LIN52: variants seen among roughly 807,000 people sequenced by gnomAD.
The protein encoded by LIN52 is protein lin-52 homolog.
LIN52 carries 4 observed loss-of-function variants against 18.5 expected under a neutral mutation model. The ratio of observed to expected loss-of-function variants is 0.22; its 90% CI spans 0.11 to 0.49. The LOEUF (loss-of-function observed/expected upper bound fraction) is 0.49, where lower values mean the gene tolerates loss of function less well. LIN52 is among the 20% of genes least tolerant of loss of function. LIN52 has a pLI of 0.97. For missense variants in LIN52, 102 were observed against 139.5 expected, an observed-to-expected ratio of 0.73 and a Z score of 1.35; for synonymous variants, 34 against 45.5, an observed-to-expected ratio of 0.75 and a Z score of 1.02.
rs191562173 is a variant in LIN52 at position 74,119,407 on chromosome 14, G to A, written c.283+18169G>A. Among the ~76,000 whole-genome samples the A allele has an allele frequency of 3.3e-5, 5 of 151,988 alleles. No individual in the cohort carries two copies. In the East Asian group the frequency reaches 5.8e-4, roughly 18 times the overall value. On this transcript the variant is annotated intron_variant, in intron 5 of 5. Transcript: ENST00000555028. The stretch of plus-strand genomic sequence containing the variant: ...TCTCGATCTCCTGACCTCGTGATCC[G>A]CCCGCCTTGGCCTCCCAAAATGCTG...
intron 5 of LIN52, among the ~76,000 whole-genome samples, chr14:74,195,557 T>C (rs1358666557): frequency 1.7e-3 from 5 of 2,878 alleles, no homozygotes; most frequent in African/African-American, 2.4e-3. Context: ...TGTGTGTGTA[T>C]GTGTGTGTGT....
In LIN52 at chr14:74,183,128, C is replaced by T. The variant is rs113262209; in HGVS notation, c.284-15794C>T. 2.1e-3 allele frequency among the ~76,000 whole-genome samples: 316 copies of T among 149,754 alleles called. 2 individuals carry two copies. Among genetic ancestry groups the T allele is most frequent in the African/African-American group, 7.4e-3 (302 of 40,660 alleles). On this transcript the variant is annotated intron_variant, in intron 5 of 5. Coordinates refer to ENST00000555028, the MANE Select transcript of LIN52 (RefSeq NM_001024674.3). ...CTTTTTTTTTTTTTAGACGGAGTCT[C>T]ACTCTGTCGCCCAGGCTGGAGTGCA...
chr14:74,146,818 A>C (rs1321557083), intron 5 of LIN52, among the ~76,000 whole-genome samples: 1 of 152,220 alleles, frequency 6.6e-6, no homozygotes, highest in Non-Finnish European at 1.5e-5. Context: ...CAGTAGTGGC[A>C]TAAGGATAGC....
At chr14:74,093,717 G>T (rs1018294233) in intron 2 of LIN52, among the ~76,000 whole-genome samples, 1 of 152,200 alleles carries the variant, frequency 6.6e-6, no homozygotes, top group Admixed American at 6.5e-5. Context: ...TGTAATCCAA[G>T]CACTTTGAGA....
intron 4 of LIN52, among the ~76,000 whole-genome samples, chr14:74,099,684 A>G (rs2060840460): frequency 6.6e-6 from 1 of 151,532 alleles, no homozygotes; most frequent in Non-Finnish European, 1.5e-5. Flanking sequence ...GTTTTTAAGG[A>G]TAATTTGGTG....
chr14:74,143,629 A>G (rs751412183), intron 5 of LIN52, among the ~76,000 whole-genome samples: 1 of 151,794 alleles, frequency 6.6e-6, no homozygotes, highest in Non-Finnish European at 1.5e-5. Flanking sequence ...TTAACTATAC[A>G]AATTATAATT....
rs144435778 is a variant in LIN52 at position 74,153,791 on chromosome 14, G to A, written c.284-45131G>A. Among the ~76,000 whole-genome samples the A allele has an allele frequency of 3.7e-3, 565 of 152,140 alleles. 4 individuals are homozygous for A. The highest frequency in any genetic ancestry group is 0.013 in the African/African-American group (532 of 41,498). ...ACTGCTGACTTCAGGTGATCCACCC[G>A]CCTCTGCCTCCCAAAGTGCTGGGAT... is the stretch of plus-strand genomic sequence containing the variant. On this transcript the variant is annotated intron_variant, in intron 5 of 5. Coordinates refer to ENST00000555028, the MANE Select transcript of LIN52 (RefSeq NM_001024674.3).
chr14:74,107,669 C>A (rs528381966), intron 5 of LIN52, among the ~76,000 whole-genome samples: 1 of 152,090 alleles, frequency 6.6e-6, no homozygotes, highest in African/African-American at 2.4e-5. Context: ...AGCCCATAGC[C>A]CATAGATTTT....
intron 5 of LIN52, among the ~76,000 whole-genome samples, chr14:74,190,775 C>T (rs531430297): frequency 1.3e-5 from 2 of 152,196 alleles, no homozygotes; most frequent in African/African-American, 4.8e-5. Context: ...GTAAGATTTA[C>T]ACCAAAGACT....
intron 5 of LIN52, among the ~76,000 whole-genome samples, chr14:74,137,741 G>T (rs978422753): frequency 6.6e-6 from 1 of 151,746 alleles, no homozygotes; most frequent in East Asian, 1.9e-4. Flanking sequence ...CTCGTGATCC[G>T]CCTGCCTCAG....
chr14:74,177,433 A>G (rs2062928982), intron 5 of LIN52, among the ~76,000 whole-genome samples: 1 of 152,214 alleles, frequency 6.6e-6, no homozygotes, highest in Admixed American at 6.6e-5. Context: ...AACACCCTAG[A>G]TAAAGTTTTA....
At chr14:74,171,219 A>T (rs1224668245) in intron 5 of LIN52, among the ~76,000 whole-genome samples, 1 of 152,032 alleles carries the variant, frequency 6.6e-6, no homozygotes, top group Non-Finnish European at 1.5e-5. Context: ...CTGTAAAAAA[A>T]AATTTGCCAG....
intron 5 of LIN52, among the ~76,000 whole-genome samples, chr14:74,163,846 G>A (rs2061236692): frequency 6.6e-6 from 1 of 152,134 alleles, no homozygotes; most frequent in Non-Finnish European, 1.5e-5. Flanking sequence ...GGATTAAAGT[G>A]TATTTAGGAG....
chr14:74,122,080 C>T (rs1266151172), intron 5 of LIN52, among the ~76,000 whole-genome samples: 1 of 152,154 alleles, frequency 6.6e-6, no homozygotes, highest in Non-Finnish European at 1.5e-5. Flanking sequence ...TGAGATGCTA[C>T]AGCTTTGACA....
At chr14:74,177,758 T>C (rs1315146235) in intron 5 of LIN52, among the ~76,000 whole-genome samples, 1 of 152,162 alleles carries the variant, frequency 6.6e-6, no homozygotes, top group African/African-American at 2.4e-5. Context: ...ACCTCTGTTA[T>C]GTTGTTTTTA....
At chr14:74,143,291 T>TG (rs539147723) in intron 5 of LIN52, among the ~76,000 whole-genome samples, 56 of 152,296 alleles carry the variant, frequency 3.7e-4, no homozygotes, top group African/African-American at 1.0e-3. Flanking sequence ...GGCTTATGCC[T>TG]GTAATCTCAG....
intron 5 of LIN52, among the ~76,000 whole-genome samples, chr14:74,182,625 A>G (rs2061323189): frequency 1.3e-5 from 2 of 152,132 alleles, no homozygotes; most frequent in South Asian, 4.1e-4. Context: ...AGGGCAAAGT[A>G]TTAATAGTAG....
intron 5 of LIN52, among the ~76,000 whole-genome samples, chr14:74,160,754 C>T (rs965237934): frequency 6.6e-6 from 1 of 152,166 alleles, no homozygotes; most frequent in Admixed American, 6.5e-5. Context: ...GGCATTTCTA[C>T]TAGACACTTT....
At chr14:74,116,994 T>TA (rs1297446107) in intron 5 of LIN52, among the ~76,000 whole-genome samples, 1 of 151,914 alleles carries the variant, frequency 6.6e-6, no homozygotes, top group Non-Finnish European at 1.5e-5. Context: ...AAATACTACT[T>TA]AAAAAAATAA....
Sources: gnomAD v4.1 joint callset for allele counts (sites outside exome capture counted in the v4.1 genomes callset) on GRCh38, gnomAD v4.1.1 for gene constraint, MANE v1.5 for transcripts, NCBI Gene and HGNC (gene_info 2026-07-23, HGNC 2026-07-21) for gene names.